EMID1: variants seen among roughly 807,000 people sequenced by gnomAD.
EMID1 encodes EMI domain-containing protein 1.
In EMID1, 40 loss-of-function variants were observed where a neutral mutation model predicts 60.6. The ratio of observed to expected loss-of-function variants is 0.66; its 90% CI spans 0.51 to 0.86. EMID1 has a LOEUF of 0.86. Among genes scored for constraint, EMID1 ranks in the 40% least tolerant of loss-of-function variants. The pLI, the probability that EMID1 is intolerant of heterozygous loss-of-function variation, is 0.00. For synonymous variants in EMID1, 242 were observed against 231.0 expected (o/e 1.05, Z -0.43); for missense variants, 585 against 597.1 (o/e 0.98, Z 0.21).
chr22:29,245,568 T>C (rs991552652), intron 13 of EMID1, among the ~76,000 whole-genome samples: 3 of 152,078 alleles, frequency 2.0e-5, no homozygotes, highest in Non-Finnish European at 2.9e-5. Flanking sequence ...TGCATGAAGC[T>C]TTGGGGGCTG....
At chr22:29,212,569 C>CT (rs750493866) in intron 1 of EMID1, among the ~76,000 whole-genome samples, 14,283 of 140,634 alleles carry the variant, frequency 0.1, 805 homozygotes, top group Non-Finnish European at 0.12. Flanking sequence ...TGTAATGTGG[C>CT]TTTTTTTTTT....
intron 5 of EMID1, among the ~76,000 whole-genome samples, chr22:29,228,460 A>G (rs908914567): frequency 6.6e-6 from 1 of 152,234 alleles, no homozygotes; most frequent in Non-Finnish European, 1.5e-5. Flanking sequence ...GCCCCCAAAG[A>G]ATGCAACTGT....
At chr22:29,220,531 A>G (rs772967446) in intron 3 of EMID1, among the ~76,000 whole-genome samples, 1 of 151,340 alleles carries the variant, frequency 6.6e-6, no homozygotes, top group Non-Finnish European at 1.5e-5. Context: ...CTGCCTCCCT[A>G]TGGCCTGTGG....
intron 3 of EMID1, among the ~76,000 whole-genome samples, chr22:29,221,479 A>G (rs1336450533): frequency 2.6e-5 from 4 of 152,134 alleles, no homozygotes; most frequent in African/African-American, 9.7e-5. Flanking sequence ...GGTTCACGCC[A>G]TTCTCCTGCC....
intron 14 of EMID1, among the ~76,000 whole-genome samples, chr22:29,256,298 C>A (rs1019072613): frequency 1.3e-5 from 2 of 151,854 alleles, no homozygotes; most frequent in South Asian, 4.2e-4. Context: ...CATGGCGAAA[C>A]CCCGTCTCTA....
Position 29,233,285 on chromosome 22 carries a change from A to AG in EMID1, c.824-91dup. Reference sequence around the variant, plus strand: ...CCAGCCATGCTGCAGGCTGCCCCATAGGGCAGTCCAAGCTGTCTTGGCAGA... The same window carrying AG: ...CCAGCCATGCTGCAGGCTGCCCCATAGGGGCAGTCCAAGCTGTCTTGGCAGA... On this transcript the variant is annotated intron_variant, in intron 8 of 14. Transcript: ENST00000334018. The AG allele has an allele frequency of 2.3e-6, 3 of 1,326,720 alleles. No homozygotes were observed. The African/African-American group carries it at 4.3e-5, about 19-fold the overall frequency. 82.2% of individuals were successfully genotyped at this position (1,326,720 alleles called of 1,614,324 possible).
intron 1 of EMID1, among the ~76,000 whole-genome samples, chr22:29,214,695 A>G (rs1194467279): frequency 4.6e-5 from 7 of 151,990 alleles, no homozygotes; most frequent in African/African-American, 1.2e-4. Context: ...CTCAAGACCT[A>G]CTGAGAACTC....
intron 13 of EMID1, among the ~76,000 whole-genome samples, chr22:29,250,264 A>G (rs1279581220): frequency 2.0e-5 from 3 of 152,146 alleles, no homozygotes; most frequent in East Asian, 1.9e-4. Context: ...TCAATCAATC[A>G]ATCAATAAAG....
Position 29,231,690 on chromosome 22 carries a change from C to T in EMID1, c.676+8C>T, listed in dbSNP as rs1281842951. ...GGATGAGAGGCCCACCAGGTGAGTG[C>T]CCGCAATGCTGCCCCACAGCTCCTC... On this transcript the variant is annotated splice_region_variant and intron_variant, in intron 7 of 14. Coordinates refer to ENST00000334018, the MANE Select transcript of EMID1 (RefSeq NM_133455.4). 2 of 1,451,124 alleles carry T rather than the reference C, an allele frequency of 1.4e-6. No homozygotes were observed. The highest frequency in any genetic ancestry group is 2.5e-5 in the East Asian group (1 of 39,432). 89.9% of individuals were successfully genotyped at this position (1,451,124 alleles called of 1,614,324 possible).
intron 14 of EMID1, among the ~76,000 whole-genome samples, chr22:29,256,460 T>C (rs999875992): frequency 8.9e-6 from 1 of 112,732 alleles, no homozygotes; most frequent in Non-Finnish European, 1.7e-5. Context: ...CGAGACTCCA[T>C]CTCAAAAAAA....
Position 29,209,694 on chromosome 22 carries a change from C to A in EMID1, c.101+3555C>A, listed in dbSNP as rs78429184. Reference sequence around the variant, plus strand: ...TGAGTGGCTAATGGGTGGTGCCCAACCCCTGCCTGGGCCTGAGGGCTGAGA... The same window carrying A: ...TGAGTGGCTAATGGGTGGTGCCCAAACCCTGCCTGGGCCTGAGGGCTGAGA... On this transcript the variant is annotated intron_variant, in intron 1 of 14. Coordinates refer to ENST00000334018, the MANE Select transcript of EMID1 (RefSeq NM_133455.4). Among the ~76,000 whole-genome samples, 893 of 152,312 alleles carry A rather than the reference C, an allele frequency of 5.9e-3. 4 individuals are homozygous for A. The highest frequency in any genetic ancestry group is 0.011 in the Non-Finnish European group (716 of 68,016).
intron 2 of EMID1, 36 bp downstream of exon 2, chr22:29,215,075 G>T: frequency 6.6e-7 from 1 of 1,506,118 alleles, no homozygotes; most frequent in Non-Finnish European, 9.0e-7. Context: ...TGGCATTCCA[G>T]GTGGAGGCAC....
At chr22:29,226,911 C>T (rs998030971) in intron 5 of EMID1, among the ~76,000 whole-genome samples, 7 of 152,158 alleles carry the variant, frequency 4.6e-5, no homozygotes, top group African/African-American at 1.7e-4. Context: ...GGCTCCATCA[C>T]CATCCCCACC....
At chr22:29,221,226 CT>C (rs755464755) in intron 3 of EMID1, among the ~76,000 whole-genome samples, 1 of 142,148 alleles carries the variant, frequency 7.0e-6, no homozygotes, top group Non-Finnish European at 1.6e-5. Flanking sequence ...CAGGGCCCCC[CT>C]GAGAGGACAA....
At chr22:29,238,049 G>T (rs2041018657) in intron 12 of EMID1, among the ~76,000 whole-genome samples, 1 of 142,898 alleles carries the variant, frequency 7.0e-6, no homozygotes, top group Non-Finnish European at 1.5e-5. Flanking sequence ...CATGCATGAA[G>T]GATAATTTTT....
chr22:29,211,074 C>A (rs983902126), intron 1 of EMID1, among the ~76,000 whole-genome samples: 2 of 152,074 alleles, frequency 1.3e-5, no homozygotes, highest in Non-Finnish European at 2.9e-5. Flanking sequence ...TGCGTCCATG[C>A]GAGAGGGCAT....
chr22:29,218,730 C>T (rs1197210972), intron 3 of EMID1, among the ~76,000 whole-genome samples: 1 of 152,220 alleles, frequency 6.6e-6, no homozygotes, highest in Non-Finnish European at 1.5e-5. Flanking sequence ...CTGGGCCTGA[C>T]CCCTGAGTGC....
intron 1 of EMID1, among the ~76,000 whole-genome samples, chr22:29,212,068 C>A (rs879625650): frequency 1.1e-4 from 16 of 152,286 alleles, no homozygotes; most frequent in Non-Finnish European, 1.8e-4. Flanking sequence ...TCACTGCAAC[C>A]TCTGCCTCCC....
At chr22:29,206,247 G>C (rs956816911) in intron 1 of EMID1, 108 bp downstream of exon 1, 10 of 880,880 alleles carry the variant, frequency 1.1e-5, no homozygotes, top group Admixed American at 9.1e-5. Context: ...TCCCCAGCCC[G>C]GGTGAGGGCA....
Sources: gnomAD v4.1 joint callset for allele counts (sites outside exome capture counted in the v4.1 genomes callset) on GRCh38, gnomAD v4.1.1 for gene constraint, MANE v1.5 for transcripts, NCBI Gene and HGNC (gene_info 2026-07-23, HGNC 2026-07-21) for gene names.